The following PPARG variants were observed in gnomAD, a reference collection of about 807,000 sequenced individuals.
PPARG encodes peroxisome proliferator-activated receptor gamma.
A neutral mutation model predicts 39.2 loss-of-function variants in PPARG; 17 were observed. That is an observed-to-expected ratio of 0.43 (90% CI 0.30 to 0.65). The LOEUF (loss-of-function observed/expected upper bound fraction) is 0.65. Ranked by LOEUF, PPARG falls within the 30% of genes least tolerant of loss-of-function variation. PPARG has a pLI of 0.13. For missense variants in PPARG, 406 were observed against 585.9 expected, an observed-to-expected ratio of 0.69 and a Z score of 3.17; for synonymous variants, 223 against 215.7, an observed-to-expected ratio of 1.03 and a Z score of -0.30.
intron 1 of PPARG, among the ~76,000 whole-genome samples, chr3:12,301,227 T>G (rs2046917335): frequency 6.6e-6 from 1 of 152,352 alleles, no homozygotes; most frequent in Middle Eastern, 3.4e-3. Context: ...CAGAGCATTG[T>G]TTTGCATTCT....
chr3:12,397,589 T>C (rs1452112502), intron 5 of PPARG, among the ~76,000 whole-genome samples: 1 of 151,730 alleles, frequency 6.6e-6, no homozygotes, highest in Non-Finnish European at 1.5e-5. Flanking sequence ...TTTTTGTATT[T>C]TTAGTAGAGA....
At chr3:12,405,852 A>G in intron 5 of PPARG, 30 bp from the exon 6 acceptor site, 1 of 1,599,362 alleles carries the variant, frequency 6.3e-7, no homozygotes, top group South Asian at 1.1e-5. Context: ...TAATCCAATG[A>G]TTCATCCTGT....
chr3:12,393,945 C>G (rs1467584179), intron 5 of PPARG, among the ~76,000 whole-genome samples: 2 of 152,148 alleles, frequency 1.3e-5, no homozygotes, highest in African/African-American at 4.8e-5. Context: ...TTGAATAGAG[C>G]TATCAGCAGT....
chr3:12,299,794 CT>C (rs1036865539), intron 1 of PPARG, among the ~76,000 whole-genome samples: 25 of 152,144 alleles, frequency 1.6e-4, no homozygotes, highest in African/African-American at 5.5e-4. Flanking sequence ...ATCAAAAAAA[CT>C]TTTTTTCTTG....
chr3:12,389,276 G>C (rs1325147732), intron 4 of PPARG, among the ~76,000 whole-genome samples: 1 of 152,276 alleles, frequency 6.6e-6, no homozygotes, highest in East Asian at 1.9e-4. Flanking sequence ...AAATAAAAAA[G>C]AGGCATTCAG....
At chr3:12,304,092 C>G (rs995728196) in intron 1 of PPARG, among the ~76,000 whole-genome samples, 1 of 152,178 alleles carries the variant, frequency 6.6e-6, no homozygotes, top group Non-Finnish European at 1.5e-5. Flanking sequence ...TTATTTCCAA[C>G]TTTAATATTT....
chr3:12,356,432 G>A (rs767392530), intron 2 of PPARG, among the ~76,000 whole-genome samples: 6 of 152,136 alleles, frequency 3.9e-5, no homozygotes, highest in African/African-American at 9.7e-5. Context: ...ACACAAGATC[G>A]AGGTTCCCAC....
chr3:12,397,178 T>A (rs79860746), intron 5 of PPARG, among the ~76,000 whole-genome samples: 7,610 of 151,456 alleles, frequency 0.05, 370 homozygotes, highest in East Asian at 0.3. Flanking sequence ...TGTAATTTTT[T>A]AAAAAAAACT....
At chr3:12,292,262 T>G (rs1242857591) in intron 1 of PPARG, among the ~76,000 whole-genome samples, 1 of 152,234 alleles carries the variant, frequency 6.6e-6, no homozygotes, top group African/African-American at 2.4e-5. Flanking sequence ...GTAGCCCCTC[T>G]TATGTTAATA....
At chr3:12,433,493 A>AT (rs1445617205) in intron 7 of PPARG, among the ~76,000 whole-genome samples, 1 of 150,768 alleles carries the variant, frequency 6.6e-6, no homozygotes, top group East Asian at 1.9e-4. Flanking sequence ...AGCCGACGTC[A>AT]TGCCACTGCA....
At chr3:12,332,728 T>C (rs1198791758) in intron 2 of PPARG, among the ~76,000 whole-genome samples, 2 of 152,154 alleles carry the variant, frequency 1.3e-5, no homozygotes, top group African/African-American at 4.8e-5. Flanking sequence ...TAGACATGTA[T>C]ACAGTAAAGA....
chr3:12,313,367 C>T (rs889402109), intron 2 of PPARG, among the ~76,000 whole-genome samples: 2 of 152,100 alleles, frequency 1.3e-5, no homozygotes, highest in African/African-American at 4.8e-5. Flanking sequence ...ATCGTGGTTT[C>T]CAAATACAGG....
intron 2 of PPARG, among the ~76,000 whole-genome samples, chr3:12,365,041 A>G (rs1002529368): frequency 6.6e-6 from 1 of 152,122 alleles, no homozygotes; most frequent in African/African-American, 2.4e-5. Context: ...TTCAGGTGAA[A>G]CTGGTCCACC....
At chr3:12,394,604 A>T (rs2050192724) in intron 5 of PPARG, among the ~76,000 whole-genome samples, 2 of 152,202 alleles carry the variant, frequency 1.3e-5, no homozygotes, top group Non-Finnish European at 2.9e-5. Flanking sequence ...TATATGAATT[A>T]AGTGTCATGA....
chr3:12,347,099 C>T (rs2048348306), intron 2 of PPARG, among the ~76,000 whole-genome samples: 1 of 151,722 alleles, frequency 6.6e-6, no homozygotes, highest in South Asian at 2.1e-4. Flanking sequence ...AGGAGAATTT[C>T]TTGAATCTGG....
intron 1 of PPARG, among the ~76,000 whole-genome samples, chr3:12,306,237 A>G (rs1201480742): frequency 6.6e-6 from 1 of 152,174 alleles, no homozygotes; most frequent in African/African-American, 2.4e-5. Flanking sequence ...ACAGTTCACA[A>G]TAGGGTTTGC....
chr3:12,397,410 T>C (rs991982335), intron 5 of PPARG, among the ~76,000 whole-genome samples: 2 of 146,802 alleles, frequency 1.4e-5, no homozygotes, highest in African/African-American at 5.0e-5. Context: ...TTATTATTAT[T>C]ATTATTATTA....
At chr3:12,378,988 T>G (rs1473113825) in intron 2 of PPARG, among the ~76,000 whole-genome samples, 2 of 152,068 alleles carry the variant, frequency 1.3e-5, no homozygotes, top group African/African-American at 4.8e-5. Context: ...TTTGGTTTTT[T>G]GGGTTTTTTT....
chr3:12,416,865 T>C lies in PPARG; in HGVS notation c.891T>C (p.Tyr297=), dbSNP rs779062080. 1.2e-6 allele frequency: 2 copies of C among 1,614,056 alleles called. No homozygotes were observed. Among genetic ancestry groups the C allele is most frequent in the Non-Finnish European group, 1.7e-6 (2 of 1,180,026 alleles). ...AGGCTGTGCAGGAGATCACAGAGTA[T>C]GCCAAAAGCATTCCTGGTTTTGTAA... ...SVEAVQEITE[Y]AKSIPGFVNL... The change falls in exon 7 of 8, where the codon TAT becomes TAC. Residue 297 remains tyrosine, a synonymous_variant. Coordinates refer to ENST00000651735, the MANE Select transcript of PPARG (RefSeq NM_138711.6).
Sources: allele counts gnomAD v4.1 joint callset (sites outside exome capture counted in the v4.1 genomes callset), GRCh38; gene constraint gnomAD v4.1.1; transcripts MANE v1.5; gene names NCBI Gene and HGNC (gene_info 2026-07-23, HGNC 2026-07-21).